Variants in TMEM265 observed in about 807,000 individuals in gnomAD.
TMEM265 encodes transmembrane protein 265.
TMEM265 carries 8 observed loss-of-function variants against 9.5 expected under a neutral mutation model. The ratio of observed to expected loss-of-function variants is 0.84; its 90% confidence interval spans 0.49 to 1.52. The LOEUF (loss-of-function observed/expected upper bound fraction) is 1.52, where lower values mean the gene tolerates loss of function less well. TMEM265 is among the 40% of genes most tolerant of loss of function. The pLI is 0.00. For synonymous variants in TMEM265, 53 were observed against 56.9 expected, an observed-to-expected ratio of 0.93 and a Z score of 0.31; for missense variants, 152 against 146.2, an observed-to-expected ratio of 1.04 and a Z score of -0.21.
chr16:30,741,591 G>A, intron 1 of TMEM265, 150 bp from the exon 2 acceptor site: 1 of 804,368 alleles, frequency 1.2e-6, no homozygotes, highest in Non-Finnish European at 1.9e-6. Context: ...CCTGCTCTGT[G>A]AGTCACTAGA....
intron 1 of TMEM265, chr16:30,741,361 G>C (rs756182412): frequency 9.8e-5 from 16 of 163,992 alleles, no homozygotes; most frequent in Non-Finnish European, 2.1e-4. Context: ...GAATTTGGGG[G>C]AATTGTAGAG....
intron 1 of TMEM265, 45 bp from the exon 2 acceptor site, chr16:30,741,696 G>T: frequency 6.6e-7 from 1 of 1,504,726 alleles, no homozygotes; most frequent in Non-Finnish European, 8.9e-7. Flanking sequence ...GCAAGGCCAA[G>T]GGCTCTGTTG....
rs913272543 is a variant in TMEM265, at chr16:30,743,978, C to T, written c.*35C>T. 89 of 1,518,714 alleles carry T rather than the reference C, an allele frequency of 5.9e-5. No homozygotes were observed. The highest frequency in any genetic ancestry group is 7.5e-5 in the Non-Finnish European group (85 of 1,137,846). 94.1% of individuals were successfully genotyped at this position (1,518,714 alleles called of 1,614,324 possible). A position where few individuals can be genotyped will look rare whatever the true frequency, so the allele number is the denominator to read the frequency against. On this transcript the variant is annotated 3_prime_UTR_variant, in exon 3 of 3. Transcript: ENST00000615541. ...GCCTCTGCTGAGAGCCAGCCGAGAC[C>T]TCCTGGATCCTGCAATGCGGCATTG... is the stretch of plus-strand genomic sequence containing the variant.
intron 2 of TMEM265, 96 bp downstream of exon 2, chr16:30,742,004 C>A: frequency 7.7e-7 from 1 of 1,297,658 alleles, no homozygotes; most frequent in Non-Finnish European, 1.0e-6. Flanking sequence ...GAATACCTAT[C>A]AGTGCTCTGG....
chr16:30,743,275 A>G (rs1388313060), intron 2 of TMEM265, among the ~76,000 whole-genome samples: 2 of 151,926 alleles, frequency 1.3e-5, no homozygotes, highest in African/African-American at 4.8e-5. Context: ...TATCCCATCT[A>G]TTTGGGAGGC....
chr16:30,741,825 C>T lies in TMEM265; in HGVS notation c.82C>T (p.Leu28Phe). Residue 28 changes from leucine to phenylalanine, a missense_variant, in exon 2 of 3, where the codon CTC (leucine) becomes TTC (phenylalanine). Transcript: ENST00000615541. ...TCCATCCCCCATCCGCTGCTGCTGG[C>T]TCCGCCTCCGCTGCTTGGCAGCTAC... ...HPPSPIRCCW[L>F]RLRCLAATSI... 1 of 1,533,984 alleles carries T rather than the reference C, an allele frequency of 6.5e-7. No homozygotes were observed. The highest frequency in any genetic ancestry group is 1.2e-5 in the South Asian group (1 of 83,968).
intron 2 of TMEM265, among the ~76,000 whole-genome samples, chr16:30,742,810 C>A (rs1386575838): frequency 6.6e-6 from 1 of 150,992 alleles, no homozygotes; most frequent in Non-Finnish European, 1.5e-5. Context: ...CCTGTAATCC[C>A]AGCTACTGGG....
intron 1 of TMEM265, 33 bp from the exon 2 acceptor site, chr16:30,741,708 T>C (rs1461785010): frequency 6.6e-7 from 1 of 1,518,300 alleles, no homozygotes; most frequent in Admixed American, 2.0e-5. Context: ...GCTCTGTTGT[T>C]GGGCTCACAA....
At position 30,744,378 on chromosome 16, in the gene TMEM265, A is replaced by C; in HGVS notation, c.*435A>C. ...GATAGCAGAAGCCAGCATCCACCTC[A>C]TCCAGGAGCTCCAAGAGAAGGAAAC... On this transcript the variant is annotated 3_prime_UTR_variant, in exon 3 of 3. Coordinates refer to ENST00000615541, the MANE Select transcript of TMEM265 (RefSeq NM_001256829.2). The C allele has an allele frequency of 6.5e-6, 1 of 154,462 alleles. No individual in the cohort carries two copies. The highest frequency in any genetic ancestry group is 1.4e-5 in the Non-Finnish European group (1 of 69,628). The allele number at this position is 154,462 out of a possible 1,614,324, so 9.6% of individuals were successfully genotyped here.
rs2053243011 is a variant in TMEM265, at chr16:30,744,265, C to G, written c.*322C>G. ...TTAGAATTCATTTTGTAATAAAAGC[C>G]TTTTTTAGTGGTGAAATACTCCTGT... On this transcript the variant is annotated 3_prime_UTR_variant, in exon 3 of 3. Transcript: ENST00000615541. 1 of 227,522 alleles carries G rather than the reference C, an allele frequency of 4.4e-6. No individual in the cohort carries two copies. Among genetic ancestry groups the G allele is most frequent in the African/African-American group, 2.3e-5 (1 of 44,148 alleles). The allele number at this position is 227,522 out of a possible 1,614,324, so 14.1% of individuals were successfully genotyped here. A position where few individuals can be genotyped will look rare whatever the true frequency, so the allele number is the denominator to read the frequency against.
Position 30,745,136 on chromosome 16 carries a change from A to G in TMEM265, c.*1193A>G, listed in dbSNP as rs568041929. On this transcript the variant is annotated 3_prime_UTR_variant, in exon 3 of 3. Coordinates refer to ENST00000615541, the MANE Select transcript of TMEM265 (RefSeq NM_001256829.2). ...TTAATTTTGTCTGCATTTGAACTTTATATAAATGGAATCATGTATTCTTTT... is the reference window on the plus strand; with the variant it reads ...TTAATTTTGTCTGCATTTGAACTTTGTATAAATGGAATCATGTATTCTTTT... The G allele has an allele frequency of 3.9e-5, 6 of 152,344 alleles. No homozygotes were observed. The highest frequency in any genetic ancestry group is 1.4e-4 in the African/African-American group (6 of 41,576). 9.4% of individuals were successfully genotyped at this position (152,344 alleles called of 1,614,324 possible). A position where few individuals can be genotyped will look rare whatever the true frequency, so the allele number is the denominator to read the frequency against.
chr16:30,743,970 G>T lies in TMEM265; in HGVS notation c.*27G>T. 2 of 1,527,014 alleles carry T rather than the reference G, an allele frequency of 1.3e-6. No homozygotes were observed. Among genetic ancestry groups the T allele is most frequent in the Non-Finnish European group, 1.8e-6 (2 of 1,142,454 alleles). The allele number at this position is 1,527,014 out of a possible 1,614,324, so 94.6% of individuals were successfully genotyped here. A position where few individuals can be genotyped will look rare whatever the true frequency, so the allele number is the denominator to read the frequency against. ...CCTGGATGGCCTCTGCTGAGAGCCAGCCGAGACCTCCTGGATCCTGCAATG... is the reference window on the plus strand; with the variant it reads ...CCTGGATGGCCTCTGCTGAGAGCCATCCGAGACCTCCTGGATCCTGCAATG... On this transcript the variant is annotated 3_prime_UTR_variant, in exon 3 of 3. Coordinates refer to ENST00000615541, the MANE Select transcript of TMEM265 (RefSeq NM_001256829.2).
Position 30,743,843 on chromosome 16 carries a change from G to T in TMEM265, c.227G>T (p.Arg76Leu). ...GCAGTGCGCTGGGGGGCCCGGGCCC[G>T]GAAACTCATCCTGGCCAGCTTTGCT... Reference protein sequence around the residue: ...EEAVRWGARARKLILASFAVW... With the variant: ...EEAVRWGARALKLILASFAVW... The change falls in exon 3 of 3, where the codon CGG (arginine) becomes CTG (leucine). Residue 76 changes from arginine to leucine, a missense_variant. By Grantham distance (102) the Arg-to-Leu change is moderately radical (BLOSUM62 -2). Transcript: ENST00000615541. 6.5e-7 allele frequency: 1 copy of T among 1,533,828 alleles called. No individual in the cohort carries two copies. Among genetic ancestry groups the T allele is most frequent in the Non-Finnish European group, 8.7e-7 (1 of 1,146,688 alleles).
chr16:30,743,633 T>G, intron 2 of TMEM265, 149 bp from the exon 3 acceptor site: 1 of 1,002,218 alleles, frequency 1.0e-6, no homozygotes, highest in Non-Finnish European at 1.4e-6. Flanking sequence ...ATTTTGCAGA[T>G]GAGAGGTTAG....
At position 30,740,683 on chromosome 16, in the gene TMEM265, A is replaced by G. The variant is rs1461164449; in HGVS notation, c.-28A>G. 6.6e-6 allele frequency: 1 copy of G among 152,138 alleles called. No individual in the cohort carries two copies. The highest frequency in any genetic ancestry group is 1.5e-5 in the Non-Finnish European group (1 of 68,022). The allele number at this position is 152,138 out of a possible 1,614,324, so 9.4% of individuals were successfully genotyped here. On this transcript the variant is annotated 5_prime_UTR_variant, in exon 1 of 3. Coordinates refer to ENST00000615541, the MANE Select transcript of TMEM265 (RefSeq NM_001256829.2). ...AAAGCTGAGGCAGGAGCCGAAACTC[A>G]GAGTCCTTCAAGGCCTATAGCCAGG... is the stretch of plus-strand genomic sequence containing the variant.
intron 2 of TMEM265, 66 bp downstream of exon 2, chr16:30,741,974 A>G (rs2053229435): frequency 2.1e-6 from 3 of 1,459,654 alleles, no homozygotes; most frequent in East Asian, 2.5e-5. Context: ...TATCTGATCT[A>G]TCTACATTGA....
At chr16:30,741,394 T>C (rs1014072339) in intron 1 of TMEM265, 1 of 196,682 alleles carries the variant, frequency 5.1e-6, no homozygotes, top group Non-Finnish European at 1.0e-5. Context: ...CAGATTAAAA[T>C]AACAGATTCA....
intron 2 of TMEM265, 75 bp downstream of exon 2, chr16:30,741,983 G>A: frequency 7.0e-7 from 1 of 1,423,646 alleles, no homozygotes; most frequent in East Asian, 2.5e-5. Context: ...TATCTACATT[G>A]ACCAGTCACT....
rs2053239287 is a variant in TMEM265 at position 30,743,787 on chromosome 16, A to G, written c.171A>G (p.Glu57=). The change falls in exon 3 of 3, where the codon GAA becomes GAG. Residue 57 remains glutamate (E), a synonymous_variant. Transcript: ENST00000615541. ...VMALVFAIKA[E]ERHKAGRSEE... ...CCAAGAACCTGCCCCCACAGGCGGA[A>G]GAGCGGCATAAAGCAGGCCGGTCCG... 3 of 1,527,874 alleles carry G rather than the reference A, an allele frequency of 2.0e-6. No individual in the cohort carries two copies. Among genetic ancestry groups the G allele is most frequent in the Non-Finnish European group, 2.6e-6 (3 of 1,142,706 alleles). 94.6% of individuals were successfully genotyped at this position (1,527,874 alleles called of 1,614,324 possible).
Sources: allele counts gnomAD v4.1 joint callset (sites outside exome capture counted in the v4.1 genomes callset), GRCh38; gene constraint gnomAD v4.1.1; transcripts MANE v1.5; gene names NCBI Gene and HGNC (gene_info 2026-07-23, HGNC 2026-07-21).